TESPA1: variants seen among roughly 807,000 people sequenced by gnomAD.
The protein encoded by TESPA1 is protein TESPA1.
Under a neutral mutation model 57.9 loss-of-function variants are expected in TESPA1, and 33 were observed. The observed-to-expected ratio is 0.57, with a 90% CI of 0.43 to 0.76. The LOEUF is 0.76. TESPA1 is among the 30% of genes least tolerant of loss of function. TESPA1 has a pLI of 0.00. For synonymous variants in TESPA1, 227 were observed against 228.9 expected (o/e 0.99, Z 0.07); for missense variants, 618 against 632.9 (o/e 0.98, Z 0.25).
chr12:54,974,358 C>A (rs1952025827), intron 2 of TESPA1, 42 bp downstream of exon 2: 2 of 1,514,090 alleles, frequency 1.3e-6, no homozygotes, highest in East Asian at 2.4e-5. Flanking sequence ...TCACCTTTTG[C>A]CGCCAGACAA....
intron 6 of TESPA1, 86 bp from the exon 7 acceptor site, chr12:54,966,237 C>T (rs1015339963): frequency 6.4e-7 from 1 of 1,560,258 alleles, no homozygotes; most frequent in South Asian, 1.1e-5. Context: ...CTTATTCACC[C>T]CCTGAACAGT....
intron 5 of TESPA1, among the ~76,000 whole-genome samples, chr12:54,966,814 C>T (rs1430648555): frequency 6.6e-6 from 1 of 152,168 alleles, no homozygotes; most frequent in Admixed American, 6.5e-5. Context: ...TGTCCTTCTC[C>T]TCCTGCAGTA....
At chr12:54,973,749 T>G (rs1331025884) in intron 2 of TESPA1, 1 of 1,300,266 alleles carries the variant, frequency 7.7e-7, no homozygotes, top group Non-Finnish European at 9.7e-7. Flanking sequence ...ACCTGGAAAG[T>G]GCCCAAGATG....
chr12:54,961,383 T>C, intron 9 of TESPA1, 116 bp from the exon 10 acceptor site: 3 of 1,081,638 alleles, frequency 2.8e-6, no homozygotes, highest in Non-Finnish European at 2.7e-6. Flanking sequence ...AGAGACAGCC[T>C]CTTCTGTGGT....
chr12:54,975,175 T>A (rs890823285), intron 1 of TESPA1, among the ~76,000 whole-genome samples: 5 of 152,042 alleles, frequency 3.3e-5, no homozygotes, highest in Non-Finnish European at 7.4e-5. Flanking sequence ...GTTCCTGTTT[T>A]ATATATTAGG....
At chr12:54,968,101 T>G in intron 3 of TESPA1, 1 of 1,237,664 alleles carries the variant, frequency 8.1e-7, no homozygotes. Flanking sequence ...TGGAATGCAC[T>G]ATATTTTAGA....
At chr12:54,979,201 C>T (rs1952229794) in intron 1 of TESPA1, among the ~76,000 whole-genome samples, 1 of 129,484 alleles carries the variant, frequency 7.7e-6, no homozygotes, top group South Asian at 3.3e-4. Flanking sequence ...ACCAAATTCT[C>T]CTATTTAAAA....
intron 3 of TESPA1, among the ~76,000 whole-genome samples, chr12:54,973,081 A>G (rs1185776940): frequency 7.2e-5 from 11 of 152,262 alleles, no homozygotes; most frequent in Non-Finnish European, 1.5e-4. Flanking sequence ...GAAATAAATA[A>G]CACAGATGAA....
rs967531028 is a variant in TESPA1, at chr12:54,948,711, T to G, written c.*1681A>C. On this transcript the variant is annotated 3_prime_UTR_variant, in exon 11 of 11. Transcript: ENST00000449076. ...CTGTGAGCCAATTAAACCTCTTTTC[T>G]GTATAAATTACCCAGTCTCAGGTAT... The G allele has an allele frequency of 3.3e-5, 5 of 152,494 alleles. No individual in the cohort carries two copies. Among genetic ancestry groups the G allele is most frequent in the African/African-American group, 7.2e-5 (3 of 41,460 alleles). The allele number at this position is 152,494 out of a possible 1,614,324, so 9.4% of individuals were successfully genotyped here.
At chr12:54,966,238 C>G in intron 6 of TESPA1, 87 bp from the exon 7 acceptor site, 2 of 1,560,260 alleles carry the variant, frequency 1.3e-6, no homozygotes, top group Non-Finnish European at 1.8e-6. Flanking sequence ...TTATTCACCC[C>G]CTGAACAGTA....
chr12:54,980,832 A>C (rs190653661), intron 1 of TESPA1, among the ~76,000 whole-genome samples: 12 of 152,364 alleles, frequency 7.9e-5, no homozygotes, highest in Non-Finnish European at 1.3e-4. Context: ...AAATTAAAGA[A>C]AAGGAAAACT....
chr12:54,965,942 A>C (rs1448356659), intron 7 of TESPA1, 111 bp downstream of exon 7: 12 of 1,027,168 alleles, frequency 1.2e-5, no homozygotes, highest in African/African-American at 1.6e-5. Flanking sequence ...GTAAAAGTGC[A>C]TAAAAGCTCC....
intron 7 of TESPA1, among the ~76,000 whole-genome samples, chr12:54,965,273 G>T (rs1056367044): frequency 6.6e-6 from 1 of 152,106 alleles, no homozygotes; most frequent in African/African-American, 2.4e-5. Flanking sequence ...GTGGTTTGCT[G>T]CACCTATCAA....
intron 10 of TESPA1, among the ~76,000 whole-genome samples, chr12:54,957,665 C>A (rs1423188487): frequency 6.6e-6 from 1 of 152,182 alleles, no homozygotes; most frequent in Non-Finnish European, 1.5e-5. Flanking sequence ...CTTCCTCAGC[C>A]AAAGACTGCG....
intron 10 of TESPA1, among the ~76,000 whole-genome samples, chr12:54,950,822 C>T (rs5004227): frequency 0.21 from 31,182 of 152,000 alleles, 5,442 homozygotes; most frequent in East Asian, 0.84. Flanking sequence ...TTTACCATTC[C>T]TTTCCTGACT....
intron 10 of TESPA1, among the ~76,000 whole-genome samples, chr12:54,953,180 A>T (rs1950502135): frequency 6.6e-6 from 1 of 152,162 alleles, no homozygotes; most frequent in Admixed American, 6.5e-5. Flanking sequence ...ATCTAATCAC[A>T]TCACTTCCTT....
intron 9 of TESPA1, 22 bp downstream of exon 9, chr12:54,962,409 C>T (rs376218213): frequency 1.2e-5 from 20 of 1,603,026 alleles, no homozygotes; most frequent in Non-Finnish European, 1.7e-5. Context: ...GCCAGTCTCT[C>T]CCTCACCTCC....
intron 10 of TESPA1, among the ~76,000 whole-genome samples, chr12:54,958,901 C>T (rs140436595): frequency 5.3e-5 from 8 of 152,184 alleles, no homozygotes; most frequent in African/African-American, 1.4e-4. Flanking sequence ...TTTGTTCTTG[C>T]GCACAGACTA....
At position 54,961,154 on chromosome 12, in the gene TESPA1, A is replaced by G; in HGVS notation, c.*1+14T>C. 6.2e-7 allele frequency: 1 copy of G among 1,612,426 alleles called. No individual in the cohort carries two copies. Among genetic ancestry groups the G allele is most frequent in the East Asian group, 2.2e-5 (1 of 44,832 alleles). On this transcript the variant is annotated intron_variant, in intron 10 of 10. Coordinates refer to ENST00000449076, the MANE Select transcript of TESPA1 (RefSeq NM_001136030.3). ...CAGCCAGGTTTGAGAACTGCCTGAG[A>G]GAGGCCCACTTACTTCACGAGTCTT...
Sources: gnomAD v4.1 joint callset for allele counts (sites outside exome capture counted in the v4.1 genomes callset) on GRCh38, gnomAD v4.1.1 for gene constraint, MANE v1.5 for transcripts, NCBI Gene and HGNC (gene_info 2026-07-23, HGNC 2026-07-21) for gene names.